POSTN: variants seen among roughly 807,000 people sequenced by gnomAD.
POSTN encodes the protein osteoblast specific factor 2 (fasciclin I-like).
In POSTN, 71 loss-of-function variants were observed where a neutral mutation model predicts 104.5. The observed-to-expected ratio is 0.68, with a 90% CI of 0.56 to 0.83. The LOEUF (loss-of-function observed/expected upper bound fraction) is 0.83. Among genes scored for constraint, POSTN ranks in the 40% least tolerant of loss-of-function variants. POSTN has a pLI of 0.00. For missense variants in POSTN, 949 were observed against 1,006.8 expected (o/e 0.94, Z 0.78); for synonymous variants, 355 against 340.7 (o/e 1.04, Z -0.46).
At chr13:37,593,462 A>G (rs989346010) in intron 2 of POSTN, among the ~76,000 whole-genome samples, 10 of 151,506 alleles carry the variant, frequency 6.6e-5, no homozygotes, top group African/African-American at 2.4e-4. Context: ...CATGTACCAA[A>G]CAATTAGAAA....
At chr13:37,573,263 A>G (rs1248393507) in intron 17 of POSTN, among the ~76,000 whole-genome samples, 4 of 151,566 alleles carry the variant, frequency 2.6e-5, no homozygotes, top group Non-Finnish European at 5.9e-5. Flanking sequence ...TTGTATTATC[A>G]AAGATCATTG....
intron 21 of POSTN, among the ~76,000 whole-genome samples, chr13:37,567,364 CA>C (rs1950143180): frequency 6.7e-6 from 1 of 149,470 alleles, no homozygotes; most frequent in Admixed American, 6.6e-5. Flanking sequence ...ATTAATTGGC[CA>C]GACCTTGGAA....
intron 2 of POSTN, among the ~76,000 whole-genome samples, 160 bp from the exon 3 acceptor site, chr13:37,592,324 A>C (rs1211488411): frequency 6.6e-6 from 1 of 151,990 alleles, no homozygotes; most frequent in African/African-American, 2.4e-5. Flanking sequence ...TTTGAGACGG[A>C]GTCTCGCTCT....
intron 2 of POSTN, among the ~76,000 whole-genome samples, chr13:37,593,137 T>C (rs1028964503): frequency 7.3e-5 from 11 of 151,360 alleles, no homozygotes; most frequent in African/African-American, 2.7e-4. Flanking sequence ...ACGAAGTGTG[T>C]TAAGTTCTAT....
chr13:37,596,883 A>G lies in POSTN; in HGVS notation c.218+301T>C, dbSNP rs546942921. ...GCCTAAGATAAAAGAGGGCCAAACC[A>G]GGAGTAGAAACAACATCATTTACTC... On this transcript the variant is annotated intron_variant, in intron 2 of 22. Transcript: ENST00000379747. Among the ~76,000 whole-genome samples the G allele has an allele frequency of 6.6e-5, 10 of 152,296 alleles. No homozygotes were observed. The East Asian group carries it at 1.7e-3, about 26-fold the overall frequency.
At chr13:37,571,009 C>T in intron 18 of POSTN, 1 of 286,794 alleles carries the variant, frequency 3.5e-6, no homozygotes, top group Non-Finnish European at 6.5e-6. Context: ...AGTGGAGTGG[C>T]TTATTAGACA....
chr13:37,582,384 T>C lies in POSTN; in HGVS notation c.1374A>G (p.Arg458=). 1 of 1,613,178 alleles carries C rather than the reference T, an allele frequency of 6.2e-7. No homozygotes were observed. Among genetic ancestry groups the C allele is most frequent in the Non-Finnish European group, 8.5e-7 (1 of 1,179,720 alleles). The change falls in exon 10 of 23, where the codon AGA becomes AGG. Residue 458 remains arginine, a synonymous_variant. Coordinates refer to ENST00000379747, the MANE Select transcript of POSTN (RefSeq NM_006475.3). The part of the protein sequence containing the change: ...ILETIGGKQL[R]VFVYRTAVCI... Reference sequence around the variant, plus strand: ...CACTTACTGTACGATATACGAAGACTCTGAGCTGTTTGCCTCCGATGGTTT... The same window carrying C: ...CACTTACTGTACGATATACGAAGACCCTGAGCTGTTTGCCTCCGATGGTTT...
rs868674858 is a variant in POSTN at position 37,582,310 on chromosome 13, C to T, written c.1392+56G>A. On this transcript the variant is annotated intron_variant, in intron 10 of 22. Coordinates refer to ENST00000379747, the MANE Select transcript of POSTN (RefSeq NM_006475.3). ...AAATTCTGTGAAATATTCATTGAAA[C>T]AGCATTATTTGACATGTCATTTGAC... 4.8e-5 allele frequency: 73 copies of T among 1,515,016 alleles called. No homozygotes were observed. In the East Asian group the frequency reaches 6.8e-4, roughly 14 times the overall value. The allele number at this position is 1,515,016 out of a possible 1,614,324, so 93.8% of individuals were successfully genotyped here.
At chr13:37,577,907 C>A (rs1950461160) in intron 15 of POSTN, 109 bp from the exon 16 acceptor site, 2 of 1,507,000 alleles carry the variant, frequency 1.3e-6, no homozygotes, top group Admixed American at 2.1e-5. Flanking sequence ...GCTATTATTA[C>A]ACTTAATAGA....
At chr13:37,572,137 T>A (rs1950277897) in intron 17 of POSTN, among the ~76,000 whole-genome samples, 1 of 151,676 alleles carries the variant, frequency 6.6e-6, no homozygotes, top group African/African-American at 2.4e-5. Context: ...CAGAAAATCA[T>A]TTTGAAGGTT....
intron 21 of POSTN, among the ~76,000 whole-genome samples, chr13:37,567,235 C>CAAAAAAAAAAAAAAAAAAA (rs71093694): frequency 2.2e-4 from 8 of 36,912 alleles, no homozygotes; most frequent in African/African-American, 4.0e-4. Context: ...GACTCCGTCT[C>CAAAAAAAAAAAAAAAAAAA]AAAAAAAAAA....
chr13:37,584,091 A>G lies in POSTN; in HGVS notation c.1121T>C (p.Ile374Thr), dbSNP rs752166453. 9 of 1,613,708 alleles carry G rather than the reference A, an allele frequency of 5.6e-6. No homozygotes were observed. The highest frequency in any genetic ancestry group is 2.7e-5 in the African/African-American group (2 of 74,920). ...GGTTTGCTGTTTTCCAGCCAGCTCA[A>G]TAACTTGTTTGGCTGAAAAATAAAC... ...VLIPDSAKQVIELAGKQQTTF... is the reference protein window; with the variant it reads ...VLIPDSAKQVTELAGKQQTTF... Residue 374 changes from isoleucine (I) to threonine (T), a missense_variant, in exon 9 of 23, where the codon ATT becomes ACT. By Grantham distance (89) the Ile-to-Thr change is moderately conservative. Transcript: ENST00000379747.
chr13:37,571,385 A>G lies in POSTN; in HGVS notation c.2163T>C (p.Thr721=). 4.4e-6 allele frequency: 7 copies of G among 1,606,498 alleles called. No homozygotes were observed. Among genetic ancestry groups the G allele is most frequent in the Non-Finnish European group, 6.0e-6 (7 of 1,173,868 alleles). The change falls in exon 18 of 23, where the codon ACT becomes ACC. Residue 721 remains threonine, a synonymous_variant. Coordinates refer to ENST00000379747, the MANE Select transcript of POSTN (RefSeq NM_006475.3). ...GGAACGCACCTCCATGGATCACTTC[A>G]GTTATTGTTTCACCTTCTTTAATCA... ...FRLIKEGETI[T]EVIHGEPIIK... is the part of the protein sequence containing the mutation.
intron 7 of POSTN, 60 bp downstream of exon 7, chr13:37,586,079 C>T: frequency 6.7e-7 from 1 of 1,489,818 alleles, no homozygotes. Flanking sequence ...GGACTAGCCT[C>T]TTTTTTATTC....
intron 2 of POSTN, among the ~76,000 whole-genome samples, chr13:37,595,562 T>C (rs1951060422): frequency 6.6e-6 from 1 of 152,198 alleles, no homozygotes; most frequent in Non-Finnish European, 1.5e-5. Context: ...ACATGGTTCT[T>C]ACTTAGAAAT....
rs1005209386 is a variant in POSTN at position 37,592,269 on chromosome 13, T to C, written c.219-105A>G. ...ACTTATTGACTTGATTTGTTGAGGT[T>C]CTAAAAATCAGGTTTTTTTTCCCCC... On this transcript the variant is annotated intron_variant, in intron 2 of 22. Transcript: ENST00000379747. 3.1e-5 allele frequency: 23 copies of C among 751,588 alleles called. No individual in the cohort carries two copies. The South Asian group carries it at 4.6e-4, about 15-fold the overall frequency. 46.6% of individuals were successfully genotyped at this position (751,588 alleles called of 1,614,324 possible). A position where few individuals can be genotyped will look rare whatever the true frequency, so the allele number is the denominator to read the frequency against.
chr13:37,564,756 C>T, intron 21 of POSTN, 196 bp from the exon 22 acceptor site: 1 of 402,596 alleles, frequency 2.5e-6, no homozygotes, highest in Non-Finnish European at 4.4e-6. Flanking sequence ...ACAGTGTTTT[C>T]CATATATCAT....
chr13:37,572,180 C>G (rs1950278791), intron 17 of POSTN, among the ~76,000 whole-genome samples: 1 of 151,602 alleles, frequency 6.6e-6, no homozygotes, highest in African/African-American at 2.4e-5. Flanking sequence ...TTAATTAAGA[C>G]TGTTTCACAG....
rs1950239215 is a variant in POSTN, at chr13:37,570,728, A to T, written c.2180-59T>A. On this transcript the variant is annotated intron_variant, in intron 18 of 22. Transcript: ENST00000379747. ...ACCCTCATATTGTGACTATACATCCATAAGCTAGACATTGTAATGATTAAC... is the reference window on the plus strand; with the variant it reads ...ACCCTCATATTGTGACTATACATCCTTAAGCTAGACATTGTAATGATTAAC... 2.9e-6 allele frequency: 3 copies of T among 1,028,064 alleles called. No individual in the cohort carries two copies. In the East Asian group the frequency reaches 7.2e-5, roughly 25 times the overall value. 63.7% of individuals were successfully genotyped at this position (1,028,064 alleles called of 1,614,324 possible).
Sources: gnomAD v4.1 joint callset for allele counts (sites outside exome capture counted in the v4.1 genomes callset) on GRCh38, gnomAD v4.1.1 for gene constraint, MANE v1.5 for transcripts, NCBI Gene and HGNC (gene_info 2026-07-23, HGNC 2026-07-21) for gene names.